PPM1D: variants seen among roughly 807,000 people sequenced by gnomAD.
PPM1D encodes the protein protein phosphatase 1D.
A neutral mutation model predicts 58.3 loss-of-function variants in PPM1D; 52 were observed. The observed-to-expected ratio is 0.89, with a 90% CI of 0.71 to 1.12. The LOEUF (loss-of-function observed/expected upper bound fraction) is 1.12. Among genes scored for constraint, PPM1D ranks in the 50% most tolerant of loss-of-function variants. The pLI, the probability that PPM1D is intolerant of heterozygous loss-of-function variation, is 0.00. For missense variants in PPM1D, 564 were observed against 777.2 expected, an observed-to-expected ratio of 0.73 and a Z score of 3.26; for synonymous variants, 278 against 285.1, an observed-to-expected ratio of 0.98 and a Z score of 0.25.
chr17:60,600,360 C>A lies in PPM1D; in HGVS notation c.-55C>A, dbSNP rs546893636. 1.9e-4 allele frequency: 287 copies of A among 1,535,788 alleles called. 1 individual carries two copies. In the African/African-American group the frequency reaches 3.9e-3, roughly 21 times the overall value. ...GGCCGGCGAGCGCCTAGTGTGTCTC[C>A]CGCCGCCGGATTCGGCGGGCTGCGT... On this transcript the variant is annotated 5_prime_UTR_variant, in exon 1 of 6. Transcript: ENST00000305921.
At chr17:60,628,395 TC>T (rs2030853692) in intron 2 of PPM1D, among the ~76,000 whole-genome samples, 1 of 152,184 alleles carries the variant, frequency 6.6e-6, no homozygotes, top group African/African-American at 2.4e-5. Flanking sequence ...TAGGGTTCAC[TC>T]CGGGTGTTAT....
At chr17:60,612,270 TA>T (rs765285161) in intron 1 of PPM1D, among the ~76,000 whole-genome samples, 145 of 152,312 alleles carry the variant, frequency 9.5e-4, no homozygotes, top group Non-Finnish European at 1.7e-3. Context: ...TCTTGTAGAT[TA>T]TTTTTTCTAT....
chr17:60,607,590 C>T (rs928495930), intron 1 of PPM1D, among the ~76,000 whole-genome samples: 1 of 152,162 alleles, frequency 6.6e-6, no homozygotes, highest in East Asian at 1.9e-4. Context: ...CGTGAGCCAC[C>T]GCACCTGGCA....
intron 1 of PPM1D, among the ~76,000 whole-genome samples, chr17:60,609,005 C>T (rs2030394474): frequency 6.6e-6 from 1 of 151,988 alleles, no homozygotes; most frequent in Non-Finnish European, 1.5e-5. Flanking sequence ...CCTCGGCCTC[C>T]CAAAGTGCTG....
chr17:60,618,106 T>C (rs776891178), intron 1 of PPM1D, among the ~76,000 whole-genome samples: 3 of 152,226 alleles, frequency 2.0e-5, no homozygotes, highest in South Asian at 2.1e-4. Flanking sequence ...GTATTGTCCA[T>C]TTTCATGTTG....
chr17:60,644,497 AT>A (rs1324552178), intron 3 of PPM1D, among the ~76,000 whole-genome samples: 1 of 152,176 alleles, frequency 6.6e-6, no homozygotes, highest in African/African-American at 2.4e-5. Context: ...AACTGGGAAG[AT>A]TTGAACATAA....
At chr17:60,658,275 C>T (rs2031473802) in intron 5 of PPM1D, among the ~76,000 whole-genome samples, 1 of 152,128 alleles carries the variant, frequency 6.6e-6, no homozygotes, top group Admixed American at 6.5e-5. Context: ...AACAAAAGGG[C>T]ATTCTTAATA....
chr17:60,607,656 G>A (rs908034771), intron 1 of PPM1D, among the ~76,000 whole-genome samples: 1 of 152,170 alleles, frequency 6.6e-6, no homozygotes, highest in African/African-American at 2.4e-5. Flanking sequence ...TGGAAATAAT[G>A]TTTTCATTGT....
At chr17:60,657,152 C>A in intron 5 of PPM1D, 1 of 1,094,884 alleles carries the variant, frequency 9.1e-7, no homozygotes, top group Non-Finnish European at 1.2e-6. Context: ...ATTTGAATCT[C>A]GTAGCCCAGA....
intron 1 of PPM1D, among the ~76,000 whole-genome samples, chr17:60,609,816 A>G (rs1039504182): frequency 4.6e-5 from 7 of 152,278 alleles, no homozygotes; most frequent in Middle Eastern, 3.4e-3. Flanking sequence ...ATATTGTTAT[A>G]CTTGTTTTAT....
intron 1 of PPM1D, chr17:60,604,610 T>C (rs1482630913): frequency 1.3e-5 from 2 of 152,074 alleles, no homozygotes; most frequent in African/African-American, 2.4e-5. Flanking sequence ...AATAAAAAAT[T>C]AGCTTGGCAT....
chr17:60,645,528 A>ATGTGTG (rs1353935513), intron 3 of PPM1D, among the ~76,000 whole-genome samples: 3 of 135,966 alleles, frequency 2.2e-5, no homozygotes, highest in African/African-American at 8.6e-5. Context: ...ATATGTATAT[A>ATGTGTG]TATATGTGTA....
At chr17:60,646,021 T>G (rs542641832) in intron 3 of PPM1D, among the ~76,000 whole-genome samples, 13 of 152,092 alleles carry the variant, frequency 8.5e-5, no homozygotes, top group African/African-American at 3.1e-4. Flanking sequence ...ACACCTATAG[T>G]CCCATCTACT....
intron 3 of PPM1D, among the ~76,000 whole-genome samples, chr17:60,645,556 GTGTGTGTATATATATGTATATATATA>G (rs1567974706): frequency 5.8e-5 from 7 of 120,324 alleles, no homozygotes; most frequent in South Asian, 2.3e-4. Flanking sequence ...GTATATATAT[GTGTGTGTATATATATGTATATATATA>G]TGTGTGTATA....
chr17:60,610,184 A>AG (rs2030425613), intron 1 of PPM1D, among the ~76,000 whole-genome samples: 1 of 152,080 alleles, frequency 6.6e-6, no homozygotes, highest in South Asian at 2.1e-4. Context: ...CTCAAAAAAA[A>AG]AAAAAAAAAA....
chr17:60,648,162 A>AG (rs1474435213), intron 4 of PPM1D, 80 bp downstream of exon 4: 5 of 1,453,110 alleles, frequency 3.4e-6, no homozygotes, highest in South Asian at 1.4e-5. Flanking sequence ...ATATGAACTA[A>AG]GGACATTGAC....
chr17:60,625,184 T>C (rs948942209), intron 2 of PPM1D, among the ~76,000 whole-genome samples: 2 of 152,106 alleles, frequency 1.3e-5, no homozygotes, highest in Non-Finnish European at 2.9e-5. Flanking sequence ...CTAAGGTGCA[T>C]GGCAACCCCG....
At chr17:60,634,947 A>G (rs1302337604) in intron 3 of PPM1D, among the ~76,000 whole-genome samples, 1 of 151,176 alleles carries the variant, frequency 6.6e-6, no homozygotes, top group Non-Finnish European at 1.5e-5. Context: ...CGCCTGGCTA[A>G]TTTTTTCTTT....
chr17:60,614,712 C>G (rs773734550), intron 1 of PPM1D, among the ~76,000 whole-genome samples: 43 of 152,240 alleles, frequency 2.8e-4, no homozygotes, highest in Admixed American at 1.6e-3. Context: ...CTCCTGAAGC[C>G]AGGGAGACCA....
Sources: gnomAD v4.1 joint callset for allele counts (sites outside exome capture counted in the v4.1 genomes callset) on GRCh38, gnomAD v4.1.1 for gene constraint, MANE v1.5 for transcripts, NCBI Gene and HGNC (gene_info 2026-07-23, HGNC 2026-07-21) for gene names.